Variants in ELOVL2 observed in about 807,000 individuals in gnomAD.
The protein encoded by ELOVL2 is very long chain fatty acid elongase 2.
A neutral mutation model predicts 37.7 loss-of-function variants in ELOVL2; 38 were observed. The observed-to-expected ratio is 1.01, with a 90% CI of 0.78 to 1.32. The LOEUF is 1.32. Among genes scored for constraint, ELOVL2 ranks in the 40% most tolerant of loss-of-function variants. ELOVL2 has a pLI of 0.00. For missense variants in ELOVL2, 352 were observed against 363.6 expected (o/e 0.97, Z 0.26); for synonymous variants, 115 against 122.3 (o/e 0.94, Z 0.40).
At chr6:11,038,293 G>T (rs1783045976) in intron 1 of ELOVL2, among the ~76,000 whole-genome samples, 1 of 152,102 alleles carries the variant, frequency 6.6e-6, no homozygotes. Context: ...TTTAAGTTAT[G>T]CTAACTAAAG....
intron 1 of ELOVL2, among the ~76,000 whole-genome samples, chr6:11,040,988 T>G (rs1231925461): frequency 6.6e-6 from 1 of 152,216 alleles, no homozygotes; most frequent in East Asian, 1.9e-4. Context: ...TGTCATAAAT[T>G]AACTATTTAT....
intron 1 of ELOVL2, among the ~76,000 whole-genome samples, chr6:11,032,849 G>C (rs149694859): frequency 1.3e-5 from 2 of 152,180 alleles, no homozygotes; most frequent in African/African-American, 2.4e-5. Context: ...ACGACGCCCT[G>C]AAAGTGTTCT....
intron 1 of ELOVL2, among the ~76,000 whole-genome samples, chr6:11,013,496 A>G (rs913776341): frequency 6.6e-6 from 1 of 152,222 alleles, no homozygotes; most frequent in Admixed American, 6.5e-5. Context: ...CCAACTTAGG[A>G]GCAGAGAAAA....
chr6:10,990,491 C>A, intron 5 of ELOVL2, 49 bp from the exon 6 acceptor site: 1 of 1,513,904 alleles, frequency 6.6e-7, no homozygotes, highest in Non-Finnish European at 8.8e-7. Context: ...AAGGACTGTT[C>A]ATTCTTCTTT....
chr6:11,041,340 C>T (rs1278888433), intron 1 of ELOVL2, among the ~76,000 whole-genome samples: 3 of 152,166 alleles, frequency 2.0e-5, no homozygotes, highest in Non-Finnish European at 2.9e-5. Context: ...CATGAAAGCA[C>T]CTGAACCTCC....
At chr6:10,996,252 ATAAT>A (rs1030516327) in intron 4 of ELOVL2, among the ~76,000 whole-genome samples, 86 of 152,352 alleles carry the variant, frequency 5.6e-4, no homozygotes, top group African/African-American at 2.0e-3. Context: ...GTCTGATGAG[ATAAT>A]TAACCTTTAG....
At chr6:10,993,684 TTTTTG>T (rs569929548) in intron 5 of ELOVL2, among the ~76,000 whole-genome samples, 43 of 151,972 alleles carry the variant, frequency 2.8e-4, no homozygotes, top group East Asian at 5.8e-4. Flanking sequence ...TGTCTACACT[TTTTTG>T]TTTTGTTTTG....
In ELOVL2 at chr6:11,044,136, C is replaced by T; in HGVS notation, c.3+92G>A. On this transcript the variant is annotated intron_variant, in intron 1 of 7. Coordinates refer to ENST00000354666, the MANE Select transcript of ELOVL2 (RefSeq NM_017770.4). The surrounding 1 kb of genome is among the most constrained non-coding windows in gnomAD (Gnocchi z 5.6). ...AGCGGCGAACCCGCAGCGCCCGCGC[C>T]GGCGCCCGCTCGGCCCTTTCCCGCC... The T allele has an allele frequency of 1.5e-6, 2 of 1,353,258 alleles. No individual in the cohort carries two copies. Among genetic ancestry groups the T allele is most frequent in the Admixed American group, 3.5e-5 (1 of 28,738 alleles). 83.8% of individuals were successfully genotyped at this position (1,353,258 alleles called of 1,614,324 possible). A position where few individuals can be genotyped will look rare whatever the true frequency, so the allele number is the denominator to read the frequency against.
At chr6:11,025,089 C>A (rs1042118286) in intron 1 of ELOVL2, among the ~76,000 whole-genome samples, 2 of 152,060 alleles carry the variant, frequency 1.3e-5, no homozygotes, top group South Asian at 4.1e-4. Context: ...GTAGGGGCAA[C>A]GGCGTAATCT....
intron 6 of ELOVL2, 60 bp downstream of exon 6, chr6:10,990,258 C>A (rs980881304): frequency 6.3e-7 from 1 of 1,577,858 alleles, no homozygotes; most frequent in Non-Finnish European, 8.6e-7. Flanking sequence ...TCTAAGATTT[C>A]TATTTCCTTT....
chr6:11,009,767 A>G (rs1282575364), intron 2 of ELOVL2, among the ~76,000 whole-genome samples: 3 of 152,202 alleles, frequency 2.0e-5, no homozygotes, highest in African/African-American at 4.8e-5. Context: ...GTCCATGATA[A>G]GAAGTTTGGT....
chr6:11,009,163 C>A (rs928424711), intron 2 of ELOVL2, among the ~76,000 whole-genome samples: 2 of 152,108 alleles, frequency 1.3e-5, no homozygotes, highest in African/African-American at 4.8e-5. Flanking sequence ...TGGGAGAAAT[C>A]GCTGTTGGTA....
chr6:11,033,971 G>A (rs569790025), intron 1 of ELOVL2, among the ~76,000 whole-genome samples: 47 of 152,252 alleles, frequency 3.1e-4, no homozygotes, highest in African/African-American at 1.1e-3. Context: ...TACTATCAAG[G>A]AATCTTCACT....
intron 1 of ELOVL2, among the ~76,000 whole-genome samples, chr6:11,017,210 C>T (rs1019533091): frequency 5.9e-5 from 9 of 152,148 alleles, no homozygotes; most frequent in Admixed American, 2.0e-4. Flanking sequence ...ACACTTAGTA[C>T]GTGTCAGGCA....
intron 5 of ELOVL2, among the ~76,000 whole-genome samples, 180 bp from the exon 6 acceptor site, chr6:10,990,622 A>G (rs928895168): frequency 2.0e-5 from 3 of 149,690 alleles, no homozygotes; most frequent in African/African-American, 7.7e-5. Context: ...GGATTCACCA[A>G]AAACTCCATG....
chr6:10,997,322 T>G (rs1332241894), intron 4 of ELOVL2, among the ~76,000 whole-genome samples: 1 of 152,104 alleles, frequency 6.6e-6, no homozygotes, highest in Non-Finnish European at 1.5e-5. Context: ...AACATAACCA[T>G]GAAGTCATTC....
At chr6:10,989,650 AAAAT>A in intron 7 of ELOVL2, 49 bp downstream of exon 7, 2 of 1,578,908 alleles carry the variant, frequency 1.3e-6, no homozygotes. Context: ...CAAAAAAAAA[AAAAT>A]AGTGCCAATC....
At chr6:11,031,305 G>C (rs1782926720) in intron 1 of ELOVL2, among the ~76,000 whole-genome samples, 1 of 152,068 alleles carries the variant, frequency 6.6e-6, no homozygotes, top group South Asian at 2.1e-4. Context: ...AATCTCTGTG[G>C]AATTGCTACA....
intron 1 of ELOVL2, among the ~76,000 whole-genome samples, chr6:11,019,731 GT>G (rs1191809051): frequency 6.0e-5 from 9 of 150,250 alleles, no homozygotes; most frequent in Non-Finnish European, 8.9e-5. Flanking sequence ...TTTTAGTTTA[GT>G]TTTTGTTGTT....
Sources: allele counts gnomAD v4.1 joint callset (sites outside exome capture counted in the v4.1 genomes callset), GRCh38; gene constraint gnomAD v4.1.1; non-coding constraint Gnocchi (gnomAD v3.1); transcripts MANE v1.5; gene names NCBI Gene and HGNC (gene_info 2026-07-23, HGNC 2026-07-21).